Variants in ALKBH8 observed in about 807,000 individuals in gnomAD.
ALKBH8 encodes the protein alkB homolog 8, tRNA methyltransferase.
A neutral mutation model predicts 59.8 loss-of-function variants in ALKBH8; 36 were observed. The observed-to-expected ratio is 0.60, with a 90% CI of 0.46 to 0.79. ALKBH8 has a LOEUF of 0.79. ALKBH8 is among the 30% of genes least tolerant of loss of function. ALKBH8 has a pLI of 0.00. For missense variants in ALKBH8, 768 were observed against 801.0 expected (o/e 0.96, Z 0.50); for synonymous variants, 276 against 273.6 (o/e 1.01, Z -0.09).
intron 1 of ALKBH8, among the ~76,000 whole-genome samples, chr11:107,564,695 C>T (rs1328563024): frequency 1.3e-5 from 2 of 152,118 alleles, no homozygotes; most frequent in Non-Finnish European, 2.9e-5. Flanking sequence ...TCACTTGTCA[C>T]GGCACCCCGT....
rs1265165632 is a variant in ALKBH8 at position 107,560,870 on chromosome 11, A to G, written c.24T>C (p.Asn8=). 6.2e-7 allele frequency: 1 copy of G among 1,612,700 alleles called. No individual in the cohort carries two copies. Among genetic ancestry groups the G allele is most frequent in the East Asian group, 2.2e-5 (1 of 44,764 alleles). MDSNHQS[N]YKLSKTEKKF... is the part of the protein sequence containing the mutation. ...TCTTCTCAGTTTTACTGAGTTTGTA[A>G]TTACTTTGATGGTTGCTGTCCATAG... The change falls in exon 2 of 12, where the codon AAT becomes AAC. Residue 8 remains asparagine, a synonymous_variant. Transcript: ENST00000428149.
intron 9 of ALKBH8, among the ~76,000 whole-genome samples, chr11:107,524,678 T>C (rs549600194): frequency 6.3e-4 from 96 of 152,276 alleles, no homozygotes; most frequent in African/African-American, 2.3e-3. Flanking sequence ...GGATATAAAA[T>C]ATAGAAATTT....
At chr11:107,551,694 C>CA (rs1204968155) in intron 6 of ALKBH8, 114 bp downstream of exon 6, 14,865 of 238,764 alleles carry the variant, frequency 0.062, 918 homozygotes, top group African/African-American at 0.21. Flanking sequence ...AACTCCATCT[C>CA]AAAAAAAAAA....
At chr11:107,550,491 CCTT>C (rs1167657408) in intron 6 of ALKBH8, among the ~76,000 whole-genome samples, 1 of 152,174 alleles carries the variant, frequency 6.6e-6, no homozygotes, top group African/African-American at 2.4e-5. Flanking sequence ...AACACATGCT[CCTT>C]CACATTTCAT....
At chr11:107,565,475 G>A (rs1865094086) in intron 1 of ALKBH8, 126 bp downstream of exon 1, 1 of 1,394,668 alleles carries the variant, frequency 7.2e-7, no homozygotes, top group East Asian at 2.5e-5. Flanking sequence ...GCGCCTCTGG[G>A]ATCCATCCCC....
intron 11 of ALKBH8, among the ~76,000 whole-genome samples, chr11:107,506,704 T>C (rs1375340497): frequency 6.6e-6 from 1 of 152,068 alleles, no homozygotes; most frequent in African/African-American, 2.4e-5. Flanking sequence ...TAATACCTAC[T>C]AAAAATATAA....
At chr11:107,536,215 G>A (rs747953319) in intron 7 of ALKBH8, among the ~76,000 whole-genome samples, 60 of 152,198 alleles carry the variant, frequency 3.9e-4, no homozygotes, top group Admixed American at 2.1e-3. Flanking sequence ...CCAACCACTC[G>A]GCAGCACTGG....
At chr11:107,547,112 C>A (rs1197247438) in intron 7 of ALKBH8, among the ~76,000 whole-genome samples, 2 of 152,086 alleles carry the variant, frequency 1.3e-5, no homozygotes, top group South Asian at 2.1e-4. Flanking sequence ...TTACAAAAAA[C>A]CAAAACAATA....
intron 10 of ALKBH8, among the ~76,000 whole-genome samples, chr11:107,520,826 C>T (rs1863080207): frequency 6.6e-6 from 1 of 152,142 alleles, no homozygotes; most frequent in Admixed American, 6.5e-5. Context: ...AGCTGTAATA[C>T]AACCAGCCCT....
At chr11:107,554,843 T>C (rs550214428) in intron 3 of ALKBH8, among the ~76,000 whole-genome samples, 1 of 152,342 alleles carries the variant, frequency 6.6e-6, no homozygotes, top group South Asian at 2.1e-4. Flanking sequence ...TAAAGAAAAG[T>C]AATTTACAGT....
At chr11:107,544,777 T>C (rs985631915) in intron 7 of ALKBH8, among the ~76,000 whole-genome samples, 2 of 151,164 alleles carry the variant, frequency 1.3e-5, no homozygotes, top group African/African-American at 4.9e-5. Flanking sequence ...AATATACATA[T>C]AGAGCCATAC....
chr11:107,552,402 C>T (rs1434407237), intron 5 of ALKBH8, among the ~76,000 whole-genome samples: 1 of 151,468 alleles, frequency 6.6e-6, no homozygotes, highest in Non-Finnish European at 1.5e-5. Context: ...AATTTAACTC[C>T]AACAAAGAAT....
intron 1 of ALKBH8, among the ~76,000 whole-genome samples, chr11:107,562,266 TC>T (rs1864966417): frequency 7.0e-6 from 1 of 142,204 alleles, no homozygotes; most frequent in Admixed American, 7.2e-5. Context: ...GCTACTACAC[TC>T]CAGCCTGGCA....
At position 107,565,699 on chromosome 11, in the gene ALKBH8, G is replaced by A; in HGVS notation, c.-105C>T. 1 of 1,531,840 alleles carries A rather than the reference G, an allele frequency of 6.5e-7. No individual in the cohort carries two copies. The highest frequency in any genetic ancestry group is 1.4e-5 in the African/African-American group (1 of 73,068). 94.9% of individuals were successfully genotyped at this position (1,531,840 alleles called of 1,614,324 possible). A position where few individuals can be genotyped will look rare whatever the true frequency, so the allele number is the denominator to read the frequency against. ...AGAACACCGCAGCGGATACTTGCACGCCATCTCCCCTGGGCGCGGCCATGT... is the reference window on the plus strand; with the variant it reads ...AGAACACCGCAGCGGATACTTGCACACCATCTCCCCTGGGCGCGGCCATGT... On this transcript the variant is annotated 5_prime_UTR_variant, in exon 1 of 12. Transcript: ENST00000428149.
intron 3 of ALKBH8, 30 bp downstream of exon 3, chr11:107,556,736 A>AT (rs1864729499): frequency 7.7e-7 from 1 of 1,300,734 alleles, no homozygotes; most frequent in Non-Finnish European, 9.9e-7. Context: ...CAGAAGAATC[A>AT]TTTTTTAAAA....
At chr11:107,522,797 C>T (rs1435170698) in intron 9 of ALKBH8, among the ~76,000 whole-genome samples, 6 of 151,254 alleles carry the variant, frequency 4.0e-5, no homozygotes, top group Non-Finnish European at 5.9e-5. Flanking sequence ...CAGAGCAAGA[C>T]GGTCTTTAAA....
intron 8 of ALKBH8, among the ~76,000 whole-genome samples, chr11:107,526,340 T>G (rs1863354975): frequency 6.6e-6 from 1 of 151,910 alleles, no homozygotes; most frequent in South Asian, 2.1e-4. Context: ...GAAATTGTGG[T>G]TTTAAGTTAT....
chr11:107,549,092 C>T (rs546711909), intron 7 of ALKBH8, among the ~76,000 whole-genome samples: 14 of 152,152 alleles, frequency 9.2e-5, no homozygotes, highest in African/African-American at 3.4e-4. Context: ...ACCTCGTGAT[C>T]TGCCCGCCTC....
Position 107,510,899 on chromosome 11 carries a change from A to G in ALKBH8, c.1425T>C (p.His475=), listed in dbSNP as rs866667456. The G allele has an allele frequency of 6.4e-7, 1 of 1,551,460 alleles. No individual in the cohort carries two copies. The highest frequency in any genetic ancestry group is 1.7e-4 in the Middle Eastern group (1 of 5,982). The change falls in exon 11 of 12, where the codon CAT becomes CAC. Residue 475 remains histidine (H), a synonymous_variant. Transcript: ENST00000428149. ...AGACCATACTTACTGCTGTTGCAAAATGATGAATAACAGCAATGGAGATGC... is the reference window on the plus strand; with the variant it reads ...AGACCATACTTACTGCTGTTGCAAAGTGATGAATAACAGCAATGGAGATGC... ...DACISIAVIH[H]FATAERRVAA... is the part of the protein sequence containing the mutation.
Sources: gnomAD v4.1 joint callset for allele counts (sites outside exome capture counted in the v4.1 genomes callset) on GRCh38, gnomAD v4.1.1 for gene constraint, MANE v1.5 for transcripts, NCBI Gene and HGNC (gene_info 2026-07-23, HGNC 2026-07-21) for gene names.